The following ANP32E variants were observed in gnomAD, a reference collection of about 807,000 sequenced individuals.
ANP32E encodes the protein acidic leucine-rich nuclear phosphoprotein 32 family member E.
Under a neutral mutation model 35.3 loss-of-function variants are expected in ANP32E, and 14 were observed. The ratio of observed to expected loss-of-function variants is 0.40; its 90% CI spans 0.26 to 0.62. ANP32E has a LOEUF of 0.62. Ranked by LOEUF, ANP32E falls within the 20% of genes least tolerant of loss-of-function variation. ANP32E has a pLI of 0.45. For missense variants in ANP32E, 198 were observed against 304.4 expected (o/e 0.65, Z 2.60); for synonymous variants, 89 against 110.4 (o/e 0.81, Z 1.22).
Position 150,231,782 on chromosome 1 carries a change from G to A in ANP32E, c.199C>T (p.Arg67Ter), listed in dbSNP as rs1553841780. The A allele has an allele frequency of 1.2e-6, 2 of 1,603,738 alleles. No homozygotes were observed. The highest frequency in any genetic ancestry group is 1.7e-6 in the Non-Finnish European group (2 of 1,177,418). Residue 67 changes from arginine (R) to a stop codon, truncating the protein, a stop_gained, in exon 2 of 7, where the codon CGA becomes TGA. Coordinates refer to ENST00000583931, the MANE Select transcript of ANP32E (RefSeq NM_030920.5). LOFTEE classifies it high-confidence loss of function. ...LARLPSLNKL[R>*]KLELSDNIIS... ...TCACGTAAATGCCAACTTACTTTTC[G>A]AAGTTTATTTAAGCTGGGAAGCCGG... is the stretch of plus-strand genomic sequence containing the variant.
chr1:150,228,647 G>A (rs141790571), intron 4 of ANP32E, among the ~76,000 whole-genome samples: 3,066 of 150,486 alleles, frequency 0.02, 120 homozygotes, highest in African/African-American at 0.069. Flanking sequence ...AGCCGAGATT[G>A]TGCCACTGCA....
chr1:150,221,853 T>C (rs1429682403), intron 6 of ANP32E, among the ~76,000 whole-genome samples: 1 of 152,100 alleles, frequency 6.6e-6, no homozygotes, highest in Non-Finnish European at 1.5e-5. Flanking sequence ...TCCTAGCACT[T>C]TGCCAAGGCA....
At chr1:150,234,672 G>A (rs1348367538) in intron 1 of ANP32E, 1 of 985,580 alleles carries the variant, frequency 1.0e-6, no homozygotes, top group Non-Finnish European at 1.2e-6. Context: ...CTGCCGCTCC[G>A]ACTGACGGGA....
intron 4 of ANP32E, 124 bp downstream of exon 4, chr1:150,228,948 T>G (rs782662596): frequency 9.0e-5 from 71 of 790,210 alleles, no homozygotes; most frequent in Non-Finnish European, 1.3e-4. Flanking sequence ...AATTTTTTCT[T>G]GTCTTACTAA....
At chr1:150,221,490 A>C in intron 6 of ANP32E, among the ~76,000 whole-genome samples, 1 of 103,670 alleles carries the variant, frequency 9.6e-6, no homozygotes, top group Non-Finnish European at 1.9e-5. Flanking sequence ...AGAGGAAGGA[A>C]GGGAGGGAGG....
At chr1:150,234,319 G>T (rs1327843102) in intron 1 of ANP32E, among the ~76,000 whole-genome samples, 1 of 150,778 alleles carries the variant, frequency 6.6e-6, no homozygotes, top group Non-Finnish European at 1.5e-5. Flanking sequence ...TTTTCCTGAA[G>T]CCTCTAAGAA....
chr1:150,220,777 GA>G lies in ANP32E; in HGVS notation c.737-17del, dbSNP rs782553470. ...CCTCCTTCTTCTTAAAGAGTGGAAA[GA>G]AAAATGCAAAGTGCTTAATTTTAAC... On this transcript the variant is annotated splice_polypyrimidine_tract_variant and intron_variant, in intron 6 of 6. Transcript: ENST00000583931. 7.0e-5 allele frequency: 112 copies of G among 1,606,472 alleles called. No individual in the cohort carries two copies. The highest frequency in any genetic ancestry group is 6.7e-5 in the Non-Finnish European group (79 of 1,173,854).
At chr1:150,221,600 G>GGAAGGAAGGAAGGAAGGAAGGAAGTAA (rs1648407110) in intron 6 of ANP32E, among the ~76,000 whole-genome samples, 3 of 4,620 alleles carry the variant, frequency 6.5e-4, no homozygotes, top group Non-Finnish European at 2.0e-3. Context: ...GAGGGAGGGA[G>GGAAGGAAGGAAGGAAGGAAGGAAGTAA]GGAGGGAAGG....
Position 150,231,896 on chromosome 1 carries a change from A to G in ANP32E, c.85T>C (p.Cys29Arg). Residue 29 changes from cysteine (C) to arginine (R), a missense_variant, in exon 2 of 7, where the codon TGT (cysteine) becomes CGT (arginine). Cys to Arg is a radical substitution (Grantham distance 180, BLOSUM62 -3). Around this residue, in one of 4 missense-constraint regions of ANP32E, gnomAD observed 35 missense variants for 47.6 expected, o/e 0.74. Coordinates refer to ENST00000583931, the MANE Select transcript of ANP32E (RefSeq NM_030920.5). ...AGGCCTTCAATTTCCCCATTGACACACAGGCAATTATCAAGGACTAACTCT... is the reference window on the plus strand; with the variant it reads ...AGGCCTTCAATTTCCCCATTGACACGCAGGCAATTATCAAGGACTAACTCT... Reference protein sequence around the residue: ...VTELVLDNCLCVNGEIEGLND... With the variant: ...VTELVLDNCLRVNGEIEGLND... 1 of 1,612,192 alleles carries G rather than the reference A, an allele frequency of 6.2e-7. No individual in the cohort carries two copies. Among genetic ancestry groups the G allele is most frequent in the Non-Finnish European group, 8.5e-7 (1 of 1,179,572 alleles).
chr1:150,219,309 C>T lies in ANP32E; in HGVS notation c.*1382G>A, dbSNP rs1648160025. On this transcript the variant is annotated 3_prime_UTR_variant, in exon 7 of 7. Transcript: ENST00000583931. ...GCAAAAGAGGAGATATACTTGTATA[C>T]TCATTATATTTTATTTAGTAGCCAT... The T allele has an allele frequency of 6.6e-6, 1 of 152,118 alleles. No individual in the cohort carries two copies. Among genetic ancestry groups the T allele is most frequent in the African/African-American group, 2.4e-5 (1 of 41,424 alleles). The allele number at this position is 152,118 out of a possible 1,614,324, so 9.4% of individuals were successfully genotyped here.
intron 5 of ANP32E, 148 bp from the exon 6 acceptor site, chr1:150,223,388 C>T (rs1176230893): frequency 3.5e-6 from 4 of 1,143,838 alleles, no homozygotes; most frequent in Non-Finnish European, 4.9e-6. Flanking sequence ...CTTTTTAAAA[C>T]CTAACTAAAG....
chr1:150,229,080 T>G lies in ANP32E; in HGVS notation c.485A>C (p.Asp162Ala). ...GTATTAAGAACGATTACCCTCATCATCCTCCTCTTCAGAGTCCGGCGCTTC... is the reference window on the plus strand; with the variant it reads ...GTATTAAGAACGATTACCCTCATCAGCCTCCTCTTCAGAGTCCGGCGCTTC... ...DNEAPDSEEE[D>A]DEDGDEDDEE... Residue 162 changes from aspartate to alanine, a missense_variant, in exon 4 of 7, where the codon GAT becomes GCT. Asp to Ala is a moderately radical substitution (Grantham distance 126, BLOSUM62 -2). Around this residue, in one of 4 missense-constraint regions of ANP32E, gnomAD observed 121 missense variants for 137.3 expected, o/e 0.88. Transcript: ENST00000583931. The G allele has an allele frequency of 6.2e-7, 1 of 1,613,058 alleles. No homozygotes were observed. The highest frequency in any genetic ancestry group is 8.5e-7 in the Non-Finnish European group (1 of 1,179,718).
chr1:150,227,938 T>A (rs191203243), intron 4 of ANP32E, among the ~76,000 whole-genome samples: 5 of 151,420 alleles, frequency 3.3e-5, no homozygotes, highest in African/African-American at 4.8e-5. Flanking sequence ...TTATTTTTCA[T>A]CCCTCAAAAA....
chr1:150,226,041 C>T (rs142642167), intron 5 of ANP32E, among the ~76,000 whole-genome samples: 3,040 of 144,788 alleles, frequency 0.021, 119 homozygotes, highest in African/African-American at 0.071. Context: ...AGTCTTGCTC[C>T]GTTGCCCAGG....
In ANP32E at chr1:150,218,514, C is replaced by T. The variant is rs1256544379; in HGVS notation, c.*2177G>A. On this transcript the variant is annotated 3_prime_UTR_variant, in exon 7 of 7. Coordinates refer to ENST00000583931, the MANE Select transcript of ANP32E (RefSeq NM_030920.5). ...GAAAAAAACAGGGAACAGTCAAAAA[C>T]AATAAAAGAATAATCAGGAGTACTG... is the stretch of plus-strand genomic sequence containing the variant. 2.0e-5 allele frequency: 3 copies of T among 152,536 alleles called. No individual in the cohort carries two copies. In the East Asian group the frequency reaches 5.8e-4, roughly 29 times the overall value. The allele number at this position is 152,536 out of a possible 1,614,324, so 9.4% of individuals were successfully genotyped here.
At chr1:150,220,895 G>A in intron 6 of ANP32E, 134 bp from the exon 7 acceptor site, 1 of 694,532 alleles carries the variant, frequency 1.4e-6, no homozygotes, top group Non-Finnish European at 2.5e-6. Flanking sequence ...AGCACTTTGG[G>A]AGGCTGAGGT....
rs200111580 is a variant in ANP32E at position 150,235,702 on chromosome 1, T to C, written c.54+31A>G. ...TCCGATCCTCAGAATACTGGACTGATGGGGAAGCGGTGGGGGCTGAGTCAT... is the reference window on the plus strand; with the variant it reads ...TCCGATCCTCAGAATACTGGACTGACGGGGAAGCGGTGGGGGCTGAGTCAT... On this transcript the variant is annotated intron_variant, in intron 1 of 6. Transcript: ENST00000583931. This position sits in a 1 kb window ranked among gnomAD's most constrained non-coding sequence, Gnocchi z 4.2. The C allele has an allele frequency of 4.8e-5, 77 of 1,613,324 alleles. No individual in the cohort carries two copies. The highest frequency in any genetic ancestry group is 6.3e-5 in the Non-Finnish European group (74 of 1,179,580).
intron 1 of ANP32E, among the ~76,000 whole-genome samples, chr1:150,232,712 A>C (rs1462304274): frequency 1.3e-5 from 2 of 151,870 alleles, no homozygotes; most frequent in Non-Finnish European, 2.9e-5. Flanking sequence ...ACCTCAGGTG[A>C]TTCGCCCCCC....
chr1:150,220,707 T>A lies in ANP32E; in HGVS notation c.791A>T (p.Glu264Val). ...KRKRDAEDDG[E>V]EEDD ...TAGAATGATCTAGTCATCTTCTTCC[T>A]CTCCATCGTCTTCAGCATCTCGTTT... is the stretch of plus-strand genomic sequence containing the variant. Residue 264 changes from glutamate (E) to valine (V), a missense_variant, in exon 7 of 7, where the codon GAG becomes GTG. Glu to Val is a moderately radical substitution (Grantham distance 121, BLOSUM62 -2). This residue lies in a region of ANP32E where 121 missense variants were observed against 137.3 expected (regional missense o/e 0.88). Coordinates refer to ENST00000583931, the MANE Select transcript of ANP32E (RefSeq NM_030920.5). 1.9e-6 allele frequency: 3 copies of A among 1,614,028 alleles called. No homozygotes were observed. The highest frequency in any genetic ancestry group is 2.5e-6 in the Non-Finnish European group (3 of 1,179,944).
Sources: gnomAD v4.1 joint callset for allele counts (sites outside exome capture counted in the v4.1 genomes callset) on GRCh38, gnomAD v4.1.1 for gene constraint, gnomAD v4.1.1 regional missense constraint, Gnocchi (gnomAD v3.1) non-coding constraint, MANE v1.5 for transcripts, NCBI Gene and HGNC (gene_info 2026-07-23, HGNC 2026-07-21) for gene names.